GLI3: variants seen among roughly 807,000 people sequenced by gnomAD.
GLI3 encodes the protein transcription activator GLI3.
GLI3 carries 20 observed loss-of-function variants against 100.8 expected under a neutral mutation model. The observed-to-expected ratio is 0.20, with a 90% CI of 0.14 to 0.29. The LOEUF is 0.29. Among genes scored for constraint, GLI3 ranks in the 10% least tolerant of loss-of-function variants. The probability of loss-of-function intolerance (pLI) is 1.00; values close to 1 mark genes in which losing one functional copy is unlikely to be tolerated. For synonymous variants in GLI3, 938 were observed against 860.5 expected, an observed-to-expected ratio of 1.09 and a Z score of -1.58; for missense variants, 2,040 against 2,128.5, an observed-to-expected ratio of 0.96 and a Z score of 0.82.
chr7:42,122,527 C>A (rs1786027157), intron 3 of GLI3, among the ~76,000 whole-genome samples: 1 of 152,130 alleles, frequency 6.6e-6, no homozygotes, highest in Non-Finnish European at 1.5e-5. Context: ...AGATGCTCGA[C>A]CCTCATACAA....
intron 2 of GLI3, among the ~76,000 whole-genome samples, chr7:42,213,373 G>A (rs1788308345): frequency 6.6e-6 from 1 of 152,132 alleles, no homozygotes; most frequent in Non-Finnish European, 1.5e-5. Flanking sequence ...AGTTTTAATT[G>A]ACCTTTTCTA....
intron 3 of GLI3, among the ~76,000 whole-genome samples, chr7:42,136,723 G>A (rs1175756546): frequency 1.3e-5 from 2 of 152,186 alleles, no homozygotes; most frequent in Non-Finnish European, 2.9e-5. Context: ...CTGCCTCTCT[G>A]ACACTGGGAT....
At chr7:42,045,147 A>G (rs1212760324) in intron 6 of GLI3, among the ~76,000 whole-genome samples, 2 of 152,170 alleles carry the variant, frequency 1.3e-5, no homozygotes, top group Non-Finnish European at 2.9e-5. Flanking sequence ...GTCAATTACA[A>G]TTGCCTGCAT....
chr7:42,120,491 A>C (rs948924968), intron 3 of GLI3, among the ~76,000 whole-genome samples: 7 of 152,348 alleles, frequency 4.6e-5, no homozygotes, highest in African/African-American at 1.7e-4. Context: ...ACACTGAAGA[A>C]ATTTGCAAGT....
intron 7 of GLI3, among the ~76,000 whole-genome samples, chr7:42,038,044 A>G (rs1784054163): frequency 6.6e-6 from 1 of 152,260 alleles, no homozygotes; most frequent in Non-Finnish European, 1.5e-5. Context: ...AATGTTCATG[A>G]AGTGATTTTG....
At chr7:42,198,824 GA>G (rs1029789958) in intron 2 of GLI3, among the ~76,000 whole-genome samples, 1 of 150,476 alleles carries the variant, frequency 6.6e-6, no homozygotes, top group African/African-American at 2.4e-5. Context: ...CTCTCTTGCA[GA>G]AAAAAAATGT....
At chr7:42,123,175 C>A (rs1424704990) in intron 3 of GLI3, among the ~76,000 whole-genome samples, 1 of 152,154 alleles carries the variant, frequency 6.6e-6, no homozygotes, top group Non-Finnish European at 1.5e-5. Context: ...ATTGGACAGA[C>A]CAGGCCAACA....
Position 41,964,064 on chromosome 7 carries a change from GTTTT to G in GLI3, c.*262_*265del, listed in dbSNP as rs550264781. On this transcript the variant is annotated 3_prime_UTR_variant, in exon 15 of 15. Coordinates refer to ENST00000395925, the MANE Select transcript of GLI3 (RefSeq NM_000168.6). ...TACTAAAAAGGGGGCGGGGCTTACA[GTTTT>G]TTTTTTTTTTTTTAAAAAGAGGGTG... 1.5e-5 allele frequency: 3 copies of G among 205,532 alleles called. No individual in the cohort carries two copies. The highest frequency in any genetic ancestry group is 1.9e-5 in the Non-Finnish European group (2 of 105,626). The allele number at this position is 205,532 out of a possible 1,614,324, so 12.7% of individuals were successfully genotyped here.
At chr7:42,101,256 T>C (rs1001727259) in intron 3 of GLI3, among the ~76,000 whole-genome samples, 1 of 152,170 alleles carries the variant, frequency 6.6e-6, no homozygotes, top group African/African-American at 2.4e-5. Context: ...TCTGATTTCC[T>C]TTGCAGAATT....
intron 10 of GLI3, among the ~76,000 whole-genome samples, chr7:42,004,114 A>G (rs989548169): frequency 9.2e-5 from 14 of 152,320 alleles, no homozygotes; most frequent in African/African-American, 3.1e-4. Context: ...AAAGAAGGGC[A>G]CTTCATTCAC....
At chr7:42,119,074 G>A (rs1785931256) in intron 3 of GLI3, among the ~76,000 whole-genome samples, 1 of 152,158 alleles carries the variant, frequency 6.6e-6, no homozygotes, top group African/African-American at 2.4e-5. Context: ...TCACCTACAA[G>A]TGACAAGGCT....
rs1308940805 is a variant in GLI3, at chr7:41,966,570, C to T, written c.2503G>A (p.Gly835Arg). The part of the protein sequence containing the change: ...TLLPGRSDLS[G>R]VDVTMLNMLN... ...ATGTTCAGCATAGTGACGTCCACCCCAGAGAGGTCGCTTCTGCCCGGGAGA... is the reference window on the plus strand; with the variant it reads ...ATGTTCAGCATAGTGACGTCCACCCTAGAGAGGTCGCTTCTGCCCGGGAGA... The change falls in exon 15 of 15, where the codon GGG (glycine) becomes AGG (arginine). Residue 835 changes from glycine to arginine, a missense_variant. Transcript: ENST00000395925. The surrounding 1 kb of genome is among the most constrained non-coding windows in gnomAD (Gnocchi z 5.8). 1.2e-6 allele frequency: 2 copies of T among 1,614,076 alleles called. No individual in the cohort carries two copies. The highest frequency in any genetic ancestry group is 1.7e-6 in the Non-Finnish European group (2 of 1,180,010).
chr7:42,180,501 T>C (rs562025020), intron 2 of GLI3, among the ~76,000 whole-genome samples: 32 of 152,304 alleles, frequency 2.1e-4, no homozygotes, highest in African/African-American at 7.5e-4. Context: ...ATGTGTATCC[T>C]GATGGAGCAA....
chr7:42,261,618 G>A (rs1263099353), intron 1 of GLI3, among the ~76,000 whole-genome samples: 2 of 152,144 alleles, frequency 1.3e-5, no homozygotes, highest in Non-Finnish European at 2.9e-5. Flanking sequence ...TTATATGAAT[G>A]TAATAATTAT....
At chr7:42,193,625 A>C (rs1044285867) in intron 2 of GLI3, among the ~76,000 whole-genome samples, 21 of 152,328 alleles carry the variant, frequency 1.4e-4, no homozygotes, top group African/African-American at 4.6e-4. Context: ...ATGAAGAACT[A>C]TCTGAACACC....
Position 41,964,815 on chromosome 7 carries a change from C to T in GLI3, c.4258G>A (p.Gly1420Ser), listed in dbSNP as rs753656456. ...TGCCCTTTCATCTCCATCTTGATACCATTCACCCTGCAGGTCTGACTTGTG... is the reference window on the plus strand; with the variant it reads ...TGCCCTTTCATCTCCATCTTGATACTATTCACCCTGCAGGTCTGACTTGTG... ...SDTSQTCRVN[G>S]IKMEMKGQPH... The change falls in exon 15 of 15, where the codon GGT becomes AGT. Residue 1420 changes from glycine to serine, a missense_variant. Gly to Ser is a moderately conservative substitution (Grantham distance 56, BLOSUM62 0). Transcript: ENST00000395925. 1 of 1,614,024 alleles carries T rather than the reference C, an allele frequency of 6.2e-7. No homozygotes were observed. Among genetic ancestry groups the T allele is most frequent in the South Asian group, 1.1e-5 (1 of 91,084 alleles).
At chr7:42,260,829 G>A (rs1789130329) in intron 1 of GLI3, among the ~76,000 whole-genome samples, 1 of 152,158 alleles carries the variant, frequency 6.6e-6, no homozygotes, top group South Asian at 2.1e-4. Flanking sequence ...CTGATAGAGA[G>A]GGGGCAGAGT....
intron 2 of GLI3, among the ~76,000 whole-genome samples, chr7:42,170,847 T>C (rs1253606284): frequency 6.6e-6 from 1 of 152,166 alleles, no homozygotes; most frequent in African/African-American, 2.4e-5. Flanking sequence ...CCTGTAGGGG[T>C]GGGAAGGAGG....
intron 2 of GLI3, among the ~76,000 whole-genome samples, chr7:42,168,902 A>C (rs958513097): frequency 2.6e-5 from 4 of 152,152 alleles, no homozygotes; most frequent in Admixed American, 2.0e-4. Flanking sequence ...TGGACAATGA[A>C]GTGAAATCCT....
Sources: gnomAD v4.1 joint callset for allele counts (sites outside exome capture counted in the v4.1 genomes callset) on GRCh38, gnomAD v4.1.1 for gene constraint, Gnocchi (gnomAD v3.1) non-coding constraint, MANE v1.5 for transcripts, NCBI Gene and HGNC (gene_info 2026-07-23, HGNC 2026-07-21) for gene names.